AUTS2: variants seen among roughly 807,000 people sequenced by gnomAD.
The protein encoded by AUTS2 is activator of transcription and developmental regulator AUTS2, also known as autism susceptibility gene 2 protein.
Under a neutral mutation model 112.4 loss-of-function variants are expected in AUTS2, and 17 were observed. The ratio of observed to expected loss-of-function variants is 0.15; its 90% confidence interval spans 0.10 to 0.23. The LOEUF (loss-of-function observed/expected upper bound fraction) is 0.23. Among genes scored for constraint, AUTS2 ranks in the 10% least tolerant of loss-of-function variants. AUTS2 has a pLI of 1.00. For synonymous variants in AUTS2, 751 were observed against 702.7 expected, an observed-to-expected ratio of 1.07 and a Z score of -1.09; for missense variants, 1,510 against 1,701.6, an observed-to-expected ratio of 0.89 and a Z score of 1.98.
chr7:70,448,130 G>A (rs899646943), intron 5 of AUTS2, among the ~76,000 whole-genome samples: 3 of 152,218 alleles, frequency 2.0e-5, no homozygotes, highest in East Asian at 3.9e-4. Flanking sequence ...ATGTACTCTC[G>A]TGCCTACAGT....
In AUTS2 at chr7:70,790,611, A is replaced by ACCG. The variant is rs762607366; in HGVS notation, c.3397_3398insGCC (p.His1132_His1133insArg). ...TACAGCCACCACCACCACCACCACC[A>ACCG]CCACCCGCTGTCTGTGGACCCTCGG... On this transcript the variant is annotated inframe_insertion, in exon 19 of 19. Coordinates refer to ENST00000342771, the MANE Select transcript of AUTS2 (RefSeq NM_015570.4). The surrounding 1 kb of genome is among the most constrained non-coding windows in gnomAD (Gnocchi z 7.6). 6.2e-7 allele frequency: 1 copy of ACCG among 1,607,680 alleles called. No homozygotes were observed. Among genetic ancestry groups the ACCG allele is most frequent in the South Asian group, 1.1e-5 (1 of 90,356 alleles).
intron 5 of AUTS2, among the ~76,000 whole-genome samples, chr7:70,486,392 T>A (rs1415047812): frequency 1.3e-5 from 2 of 152,232 alleles, no homozygotes; most frequent in African/African-American, 4.8e-5. Context: ...GTAGTATATG[T>A]CAAGTGCTTA....
chr7:69,851,694 C>T (rs988308723), intron 1 of AUTS2, among the ~76,000 whole-genome samples: 7 of 152,158 alleles, frequency 4.6e-5, no homozygotes, highest in Non-Finnish European at 1.0e-4. Flanking sequence ...TTTTAGCATA[C>T]AGGTCCTATA....
chr7:69,681,635 C>A (rs1215023703), intron 1 of AUTS2, among the ~76,000 whole-genome samples: 2 of 152,192 alleles, frequency 1.3e-5, no homozygotes, highest in African/African-American at 2.4e-5. Context: ...AAGTTACCTC[C>A]ACTCTGTTCC....
chr7:70,609,552 G>A (rs1301734277), intron 5 of AUTS2, among the ~76,000 whole-genome samples: 1 of 151,098 alleles, frequency 6.6e-6, no homozygotes, highest in Non-Finnish European at 1.5e-5. Context: ...CCACCACCAC[G>A]CCAAGCTAAT....
intron 1 of AUTS2, among the ~76,000 whole-genome samples, chr7:69,861,768 C>T (rs966655605): frequency 1.3e-5 from 2 of 152,162 alleles, no homozygotes; most frequent in Non-Finnish European, 2.9e-5. Flanking sequence ...CCTAGAATTG[C>T]CAGTCCTGAA....
intron 5 of AUTS2, among the ~76,000 whole-genome samples, chr7:70,633,355 C>T (rs191409734): frequency 2.6e-5 from 4 of 152,248 alleles, no homozygotes; most frequent in African/African-American, 4.8e-5. Flanking sequence ...CAGTGGCTCA[C>T]GCCTGTAAGC....
At chr7:69,634,147 T>C (rs1794408837) in intron 1 of AUTS2, among the ~76,000 whole-genome samples, 1 of 148,890 alleles carries the variant, frequency 6.7e-6, no homozygotes, top group African/African-American at 2.5e-5. Context: ...TGAGACGGAG[T>C]CTCGCTCTGT....
intron 1 of AUTS2, among the ~76,000 whole-genome samples, chr7:69,648,745 ACC>A (rs1795155215): frequency 6.6e-6 from 1 of 152,084 alleles, no homozygotes; most frequent in Non-Finnish European, 1.5e-5. Flanking sequence ...GTGTGAAGGG[ACC>A]TGTTATTGAT....
intron 5 of AUTS2, among the ~76,000 whole-genome samples, chr7:70,461,009 T>C (rs1796940733): frequency 2.0e-5 from 3 of 152,006 alleles, no homozygotes. Context: ...GACAGATAAG[T>C]CTAGGAAGGC....
At position 69,834,268 on chromosome 7, in the gene AUTS2, G is replaced by T. The variant is rs559731020; in HGVS notation, c.310-65018G>T. The stretch of plus-strand genomic sequence containing the variant: ...GTGCAATGAAAGGCCTTTATTCTTA[G>T]GGTTCAAATTATTTTACAACGAAAT... On this transcript the variant is annotated intron_variant, in intron 1 of 18. Transcript: ENST00000342771. 2.2e-4 allele frequency among the ~76,000 whole-genome samples: 34 copies of T among 152,238 alleles called. No homozygotes were observed. In the South Asian group the frequency reaches 6.2e-3, roughly 28 times the overall value.
chr7:70,339,647 G>T (rs1209627042), intron 4 of AUTS2, among the ~76,000 whole-genome samples: 1 of 152,194 alleles, frequency 6.6e-6, no homozygotes, highest in Non-Finnish European at 1.5e-5. Context: ...ATGCAGGAGT[G>T]AGGATCCAAG....
chr7:70,522,920 A>G (rs901312411), intron 5 of AUTS2, among the ~76,000 whole-genome samples: 2 of 152,206 alleles, frequency 1.3e-5, no homozygotes, highest in Non-Finnish European at 2.9e-5. Flanking sequence ...AATTGCCACA[A>G]CTGAGCTTCA....
intron 5 of AUTS2, among the ~76,000 whole-genome samples, chr7:70,537,883 G>A (rs1320980089): frequency 2.0e-5 from 3 of 152,192 alleles, no homozygotes; most frequent in African/African-American, 7.2e-5. Context: ...TGTTTGGGCT[G>A]GGAAGATGGA....
At chr7:70,517,779 T>A (rs192234480) in intron 5 of AUTS2, among the ~76,000 whole-genome samples, 23 of 152,014 alleles carry the variant, frequency 1.5e-4, no homozygotes, top group Admixed American at 1.5e-3. Flanking sequence ...ATGATAGAAA[T>A]TGCTCACTTA....
At chr7:70,715,621 T>G (rs1430950693) in intron 6 of AUTS2, among the ~76,000 whole-genome samples, 1 of 152,088 alleles carries the variant, frequency 6.6e-6, no homozygotes, top group African/African-American at 2.4e-5. Context: ...AACCTTCGCC[T>G]CCTGGACTCT....
chr7:69,995,266 CTACCCCT>C (rs1798897454), intron 2 of AUTS2, among the ~76,000 whole-genome samples: 1 of 152,140 alleles, frequency 6.6e-6, no homozygotes. Context: ...TTTACTCTCC[CTACCCCT>C]AACTTTATAT....
chr7:70,250,869 G>A (rs1412976673), intron 4 of AUTS2, among the ~76,000 whole-genome samples: 1 of 152,076 alleles, frequency 6.6e-6, no homozygotes, highest in Non-Finnish European at 1.5e-5. Context: ...ACTTGAGGGT[G>A]GAGGGTGGTA....
chr7:70,664,314 T>A (rs1807221544), intron 5 of AUTS2, among the ~76,000 whole-genome samples: 1 of 152,160 alleles, frequency 6.6e-6, no homozygotes, highest in African/African-American at 2.4e-5. Context: ...AACGTATATT[T>A]AAGGTGGCCA....
Sources: gnomAD v4.1 joint callset for allele counts (sites outside exome capture counted in the v4.1 genomes callset) on GRCh38, gnomAD v4.1.1 for gene constraint, Gnocchi (gnomAD v3.1) non-coding constraint, MANE v1.5 for transcripts, NCBI Gene and HGNC (gene_info 2026-07-23, HGNC 2026-07-21) for gene names.